Variants in ARID3A observed in about 807,000 individuals in gnomAD.
The protein encoded by ARID3A is AT-rich interaction domain 3A, also known as AT-rich interactive domain-containing protein 3A.
A neutral mutation model predicts 52.7 loss-of-function variants in ARID3A; 11 were observed. The ratio of observed to expected loss-of-function variants is 0.21; its 90% CI spans 0.13 to 0.35. ARID3A has a LOEUF of 0.35. Ranked by LOEUF, ARID3A falls within the 10% of genes least tolerant of loss-of-function variation. The pLI is 1.00. For missense variants in ARID3A, 721 were observed against 838.5 expected (o/e 0.86, Z 1.73); for synonymous variants, 404 against 359.4 (o/e 1.12, Z -1.40).
intron 3 of ARID3A, among the ~76,000 whole-genome samples, chr19:946,351 T>A (rs1256527861): frequency 6.6e-6 from 1 of 151,572 alleles, no homozygotes; most frequent in African/African-American, 2.4e-5. Flanking sequence ...AAGCTCCGCC[T>A]CCCGGGTTCA....
chr19:938,148 G>A lies in ARID3A; in HGVS notation c.693+5406G>A, dbSNP rs2037474506. Among the ~76,000 whole-genome samples, 1 of 151,910 alleles carries A rather than the reference G, an allele frequency of 6.6e-6. No homozygotes were observed. The highest frequency in any genetic ancestry group is 1.5e-5 in the Non-Finnish European group (1 of 68,026). ...CGTGAGCCACCGCGCCCGGCCTGTT[G>A]TCGACTTTTGATCCTAGCCTCCTTG... is the stretch of plus-strand genomic sequence containing the variant. On this transcript the variant is annotated intron_variant, in intron 3 of 8. Transcript: ENST00000263620. This position sits in a 1 kb window ranked among gnomAD's most constrained non-coding sequence, Gnocchi z 4.0.
rs754216623 is a variant in ARID3A, at chr19:960,193, G to A, written c.766+29G>A. 1 of 1,584,442 alleles carries A rather than the reference G, an allele frequency of 6.3e-7. No individual in the cohort carries two copies. Among genetic ancestry groups the A allele is most frequent in the Non-Finnish European group, 8.6e-7 (1 of 1,160,380 alleles). On this transcript the variant is annotated intron_variant, in intron 4 of 8. Coordinates refer to ENST00000263620, the MANE Select transcript of ARID3A (RefSeq NM_005224.3). The surrounding 1 kb of genome is among the most constrained non-coding windows in gnomAD (Gnocchi z 4.3). Reference sequence around the variant, plus strand: ...AGCCCTCTGCCCCCACCCCGCTGGAGGGAGGTCACAGAAACAGGGCTGTAG... The same window carrying A: ...AGCCCTCTGCCCCCACCCCGCTGGAAGGAGGTCACAGAAACAGGGCTGTAG...
chr19:951,929 A>G (rs993780387), intron 3 of ARID3A, among the ~76,000 whole-genome samples: 4 of 151,898 alleles, frequency 2.6e-5, no homozygotes, highest in Admixed American at 6.6e-5. Context: ...TGAGGTCAGG[A>G]GTTCAAGACC....
At chr19:956,274 C>T (rs935312720) in intron 3 of ARID3A, among the ~76,000 whole-genome samples, 1 of 152,178 alleles carries the variant, frequency 6.6e-6, no homozygotes, top group African/African-American at 2.4e-5. Context: ...TCCCCCTCTC[C>T]GCCCTGCCCG....
chr19:942,874 G>A lies in ARID3A; in HGVS notation c.693+10132G>A, dbSNP rs762877778. On this transcript the variant is annotated intron_variant, in intron 3 of 8. Transcript: ENST00000263620. The surrounding 1 kb of genome is among the most constrained non-coding windows in gnomAD (Gnocchi z 8.1). ...TTGGATGGCATCGCCCAAAACTCACGTCCACCCAGAACCTCAAGATGGGAC... is the reference window on the plus strand; with the variant it reads ...TTGGATGGCATCGCCCAAAACTCACATCCACCCAGAACCTCAAGATGGGAC... Among the ~76,000 whole-genome samples, 27 of 152,178 alleles carry A rather than the reference G, an allele frequency of 1.8e-4. No individual in the cohort carries two copies. Among genetic ancestry groups the A allele is most frequent in the Non-Finnish European group, 3.5e-4 (24 of 68,030 alleles).
In ARID3A at chr19:964,440, C is replaced by T. The variant is rs369030257; in HGVS notation, c.950+9C>T. On this transcript the variant is annotated intron_variant, in intron 5 of 8. Coordinates refer to ENST00000263620, the MANE Select transcript of ARID3A (RefSeq NM_005224.3). This position sits in a 1 kb window ranked among gnomAD's most constrained non-coding sequence, Gnocchi z 5.7. ...TTCACCCTGCGGACCCAGTGAGTGG[C>T]GGACGGTTGTGCCGAGGTCGGGCCA... is the stretch of plus-strand genomic sequence containing the variant. The T allele has an allele frequency of 2.3e-5, 36 of 1,577,844 alleles. No homozygotes were observed. The African/African-American group carries it at 3.6e-4, about 16-fold the overall frequency.
intron 3 of ARID3A, among the ~76,000 whole-genome samples, chr19:935,057 T>C (rs572835449): frequency 1.3e-5 from 2 of 152,204 alleles, no homozygotes; most frequent in Non-Finnish European, 2.9e-5. Context: ...CGGCCCCTAC[T>C]GGGGCCCCTG....
Position 960,077 on chromosome 19 carries a change from T to G in ARID3A, c.694-15T>G, listed in dbSNP as rs1031300636. 1.2e-6 allele frequency: 2 copies of G among 1,609,762 alleles called. No individual in the cohort carries two copies. The highest frequency in any genetic ancestry group is 1.7e-5 in the Admixed American group (1 of 59,710). ...CTCTGGCACCAACTAACCCATCCCC[T>G]CTCCACCCTCACAGCTCTACGAACT... On this transcript the variant is annotated splice_polypyrimidine_tract_variant and intron_variant, in intron 3 of 8. Coordinates refer to ENST00000263620, the MANE Select transcript of ARID3A (RefSeq NM_005224.3). This position sits in a 1 kb window ranked among gnomAD's most constrained non-coding sequence, Gnocchi z 4.3.
rs1451809609 is a variant in ARID3A, at chr19:953,495, G to A, written c.694-6597G>A. On this transcript the variant is annotated intron_variant, in intron 3 of 8. Transcript: ENST00000263620. Reference sequence around the variant, plus strand: ...CCCACACCCCCCCCCGTGCAGAGCCGGGGGAGTGTCAGGGTCGGGGGCCAC... The same window carrying A: ...CCCACACCCCCCCCCGTGCAGAGCCAGGGGAGTGTCAGGGTCGGGGGCCAC... 4.0e-5 allele frequency among the ~76,000 whole-genome samples: 6 copies of A among 151,832 alleles called. No individual in the cohort carries two copies. In the East Asian group the frequency reaches 7.8e-4, roughly 20 times the overall value.
At chr19:954,738 C>A (rs1191861455) in intron 3 of ARID3A, among the ~76,000 whole-genome samples, 1 of 151,984 alleles carries the variant, frequency 6.6e-6, no homozygotes, top group Non-Finnish European at 1.5e-5. Flanking sequence ...GAGGGAATGA[C>A]CACAGGGGAC....
At chr19:953,210 G>A (rs1016335029) in intron 3 of ARID3A, among the ~76,000 whole-genome samples, 2 of 152,136 alleles carry the variant, frequency 1.3e-5, no homozygotes, top group Non-Finnish European at 2.9e-5. Flanking sequence ...CACCCTGTCC[G>A]CCAGCAGACT....
In ARID3A at chr19:960,282, C is replaced by A; in HGVS notation, c.766+118C>A. ...TGAGCACCCCGTGGCTGGAGGCATCCAAGGCTCCTAAATCGGGAGGGACTT... is the reference window on the plus strand; with the variant it reads ...TGAGCACCCCGTGGCTGGAGGCATCAAAGGCTCCTAAATCGGGAGGGACTT... On this transcript the variant is annotated intron_variant, in intron 4 of 8. Transcript: ENST00000263620. The surrounding 1 kb of genome is among the most constrained non-coding windows in gnomAD (Gnocchi z 4.3). 2 of 857,846 alleles carry A rather than the reference C, an allele frequency of 2.3e-6. No homozygotes were observed. The highest frequency in any genetic ancestry group is 3.5e-6 in the Non-Finnish European group (2 of 574,810). The allele number at this position is 857,846 out of a possible 1,614,324, so 53.1% of individuals were successfully genotyped here. A position where few individuals can be genotyped will look rare whatever the true frequency, so the allele number is the denominator to read the frequency against.
At chr19:930,727 T>C (rs1236370941) in intron 2 of ARID3A, among the ~76,000 whole-genome samples, 4 of 150,702 alleles carry the variant, frequency 2.7e-5, no homozygotes, top group Non-Finnish European at 4.4e-5. Context: ...GCCAAGATGG[T>C]CTCGATCTCC....
chr19:972,201 C>T lies in ARID3A; in HGVS notation c.*136C>T, dbSNP rs557861692. ...ATATCCAGAAAGGAGCCACAGCTGACGCCAAAAAGAAAAGAAAAAAGATAT... is the reference window on the plus strand; with the variant it reads ...ATATCCAGAAAGGAGCCACAGCTGATGCCAAAAAGAAAAGAAAAAAGATAT... On this transcript the variant is annotated 3_prime_UTR_variant, in exon 9 of 9. Transcript: ENST00000263620. 56 of 522,446 alleles carry T rather than the reference C, an allele frequency of 1.1e-4. No individual in the cohort carries two copies. Among genetic ancestry groups the T allele is most frequent in the Middle Eastern group, 5.1e-4 (1 of 1,958 alleles). 32.4% of individuals were successfully genotyped at this position (522,446 alleles called of 1,614,324 possible).
At chr19:951,084 AG>A (rs888374086) in intron 3 of ARID3A, among the ~76,000 whole-genome samples, 3 of 151,626 alleles carry the variant, frequency 2.0e-5, no homozygotes, top group Non-Finnish European at 4.4e-5. Flanking sequence ...AGCCTCCCTA[AG>A]TGCTGGGATT....
intron 8 of ARID3A, among the ~76,000 whole-genome samples, chr19:969,513 G>T (rs1324133660): frequency 1.3e-5 from 2 of 151,352 alleles, no homozygotes; most frequent in African/African-American, 2.4e-5. Context: ...CTCCAGCCTG[G>T]GTGAAAGAGT....
rs1452162297 is a variant in ARID3A at position 959,653 on chromosome 19, G to A, written c.694-439G>A. On this transcript the variant is annotated intron_variant, in intron 3 of 8. Transcript: ENST00000263620. This position sits in a 1 kb window ranked among gnomAD's most constrained non-coding sequence, Gnocchi z 5.0. The stretch of plus-strand genomic sequence containing the variant: ...TTAAGCTGCAACGTGTGGCTGTAAG[G>A]GAGTTAAGGATCGATTTGAGATGAG... Among the ~76,000 whole-genome samples, 3 of 152,126 alleles carry A rather than the reference G, an allele frequency of 2.0e-5. No homozygotes were observed. Among genetic ancestry groups the A allele is most frequent in the African/African-American group, 7.2e-5 (3 of 41,428 alleles).
chr19:973,697 CT>C lies in ARID3A; in HGVS notation c.*1636del. On this transcript the variant is annotated 3_prime_UTR_variant, in exon 9 of 9. Coordinates refer to ENST00000263620, the MANE Select transcript of ARID3A (RefSeq NM_005224.3). ...CTGTCCCTTCCTCTTCTCCCAACCC[CT>C]TTTGTGCTGGGGCTGCGAGCTCCCC... The C allele has an allele frequency of 4.4e-6, 1 of 227,690 alleles. No individual in the cohort carries two copies. Among genetic ancestry groups the C allele is most frequent in the East Asian group, 6.3e-5 (1 of 15,954 alleles). 14.1% of individuals were successfully genotyped at this position (227,690 alleles called of 1,614,324 possible). A position where few individuals can be genotyped will look rare whatever the true frequency, so the allele number is the denominator to read the frequency against.
chr19:970,817 A>C (rs1213180079), intron 8 of ARID3A, among the ~76,000 whole-genome samples: 2 of 152,122 alleles, frequency 1.3e-5, no homozygotes, highest in Admixed American at 1.3e-4. Context: ...CCGATGGTTC[A>C]TAGTGGCCAC....
Sources: gnomAD v4.1 joint callset for allele counts (sites outside exome capture counted in the v4.1 genomes callset) on GRCh38, gnomAD v4.1.1 for gene constraint, Gnocchi (gnomAD v3.1) non-coding constraint, MANE v1.5 for transcripts, NCBI Gene and HGNC (gene_info 2026-07-23, HGNC 2026-07-21) for gene names.